HMGCLL1: variants seen among roughly 807,000 people sequenced by gnomAD.
HMGCLL1 encodes the protein 3-hydroxymethyl-3-methylglutaryl-CoA lyase, cytoplasmic.
HMGCLL1 carries 36 observed loss-of-function variants against 39.1 expected under a neutral mutation model. That is an observed-to-expected ratio of 0.92 (90% confidence interval 0.71 to 1.22). HMGCLL1 has a LOEUF of 1.22. HMGCLL1 is among the 50% of genes most tolerant of loss of function. The probability of loss-of-function intolerance (pLI) is 0.00; values close to 1 mark genes in which losing one functional copy is unlikely to be tolerated. For missense variants in HMGCLL1, 451 were observed against 416.5 expected (o/e 1.08, Z -0.72); for synonymous variants, 149 against 144.0 (o/e 1.03, Z -0.25).
chr6:55,532,186 AAATT>A (rs1173286972), intron 3 of HMGCLL1, among the ~76,000 whole-genome samples: 1 of 152,172 alleles, frequency 6.6e-6, no homozygotes, highest in African/African-American at 2.4e-5. Flanking sequence ...GTAATTGAGC[AAATT>A]AATTATCATC....
intron 1 of HMGCLL1, among the ~76,000 whole-genome samples, chr6:55,570,998 C>T (rs1771456543): frequency 2.0e-5 from 3 of 152,174 alleles, no homozygotes; most frequent in Admixed American, 2.0e-4. Flanking sequence ...TCTCATGAGA[C>T]TTATTCACTA....
the HMGCLL1 span, among the ~76,000 whole-genome samples, chr6:55,645,799 A>C: frequency 6.6e-6 from 1 of 151,830 alleles, no homozygotes; most frequent in Non-Finnish European, 1.5e-5. Context: ...TCAGTTTGCC[A>C]GTATTTTGTT....
At chr6:55,518,079 A>G (rs535693722) in intron 3 of HMGCLL1, among the ~76,000 whole-genome samples, 19 of 152,258 alleles carry the variant, frequency 1.2e-4, no homozygotes, top group Admixed American at 4.6e-4. Flanking sequence ...AATCTATCTG[A>G]CTTTAATCTA....
intron 6 of HMGCLL1, among the ~76,000 whole-genome samples, chr6:55,498,817 T>G (rs1766719549): frequency 6.6e-6 from 1 of 152,052 alleles, no homozygotes; most frequent in Admixed American, 6.6e-5. Context: ...ACAAAAGTAG[T>G]GTATATTCTG....
the HMGCLL1 span, among the ~76,000 whole-genome samples, chr6:55,658,122 C>A: frequency 6.6e-6 from 1 of 151,690 alleles, no homozygotes; most frequent in African/African-American, 2.4e-5. Flanking sequence ...TTCTAAAATT[C>A]TTGAGCTCCC....
chr6:55,587,374 T>C, the HMGCLL1 span, among the ~76,000 whole-genome samples: 1 of 151,964 alleles, frequency 6.6e-6, no homozygotes, highest in African/African-American at 2.4e-5. Context: ...TGTTGAGAGA[T>C]TTTGTCACCA....
At chr6:55,629,095 G>A in the HMGCLL1 span, among the ~76,000 whole-genome samples, 4 of 152,160 alleles carry the variant, frequency 2.6e-5, no homozygotes, top group African/African-American at 4.8e-5. Context: ...GGAACAGTTT[G>A]GAGGGCTCAG....
chr6:55,464,990 A>C (rs1764737183), intron 7 of HMGCLL1, among the ~76,000 whole-genome samples: 1 of 152,194 alleles, frequency 6.6e-6, no homozygotes, highest in Admixed American at 6.5e-5. Flanking sequence ...ATAAATCAAA[A>C]CCAGGACAAT....
At chr6:55,508,836 G>A (rs1407082427) in intron 5 of HMGCLL1, among the ~76,000 whole-genome samples, 1 of 151,838 alleles carries the variant, frequency 6.6e-6, no homozygotes, top group East Asian at 1.9e-4. Context: ...AATTACTTGT[G>A]TAAATTAAAA....
At chr6:55,513,852 C>T in intron 5 of HMGCLL1, 196 bp downstream of exon 5, 1 of 541,328 alleles carries the variant, frequency 1.8e-6, no homozygotes. Context: ...ACACATTCCA[C>T]AAGCTAGATA....
At chr6:55,609,960 AAAAC>A in the HMGCLL1 span, among the ~76,000 whole-genome samples, 7 of 152,320 alleles carry the variant, frequency 4.6e-5, no homozygotes, top group Middle Eastern at 3.4e-3. Flanking sequence ...TATTGAAAGA[AAAAC>A]AAACAAACAG....
intron 5 of HMGCLL1, among the ~76,000 whole-genome samples, chr6:55,507,849 C>T (rs1161544229): frequency 6.6e-6 from 1 of 151,814 alleles, no homozygotes; most frequent in Non-Finnish European, 1.5e-5. Context: ...TTAAAAAAAG[C>T]ATCAATGTTA....
chr6:55,629,658 T>C, the HMGCLL1 span, among the ~76,000 whole-genome samples: 1 of 152,134 alleles, frequency 6.6e-6, no homozygotes, highest in Admixed American at 6.5e-5. Context: ...AAAAGTGGTT[T>C]CTTGGGCCAG....
At chr6:55,658,066 T>TA in the HMGCLL1 span, among the ~76,000 whole-genome samples, 4 of 150,922 alleles carry the variant, frequency 2.7e-5, no homozygotes, top group Admixed American at 6.6e-5. Context: ...AATAAAAATT[T>TA]AAAAAAAAAG....
the HMGCLL1 span, among the ~76,000 whole-genome samples, chr6:55,627,560 T>A: frequency 6.6e-6 from 1 of 151,876 alleles, no homozygotes; most frequent in Admixed American, 6.6e-5. Context: ...GTATTAATCC[T>A]GGGTGTGTCT....
intron 7 of HMGCLL1, among the ~76,000 whole-genome samples, chr6:55,460,129 T>C (rs1333633587): frequency 6.6e-6 from 1 of 151,954 alleles, no homozygotes. Context: ...TTTTGAACCA[T>C]CTAATGAATG....
chr6:55,516,661 A>G, intron 3 of HMGCLL1, 58 bp from the exon 4 acceptor site: 1 of 1,193,236 alleles, frequency 8.4e-7, no homozygotes. Context: ...ACCGAGAATC[A>G]TTTTAGTTTC....
intron 1 of HMGCLL1, among the ~76,000 whole-genome samples, chr6:55,545,128 G>T (rs192036704): frequency 2.5e-4 from 37 of 149,214 alleles, no homozygotes; most frequent in Admixed American, 1.9e-3. Flanking sequence ...ATCACTGATT[G>T]TTTCTTGAAA....
At chr6:55,500,846 AAT>A (rs1436035211) in intron 5 of HMGCLL1, among the ~76,000 whole-genome samples, 1 of 152,020 alleles carries the variant, frequency 6.6e-6, no homozygotes, top group Non-Finnish European at 1.5e-5. Context: ...ATAACATGCT[AAT>A]ATATAAATAC....
Sources: allele counts gnomAD v4.1 joint callset (sites outside exome capture counted in the v4.1 genomes callset), GRCh38; gene constraint gnomAD v4.1.1; transcripts MANE v1.5; gene names NCBI Gene and HGNC (gene_info 2026-07-23, HGNC 2026-07-21).